The following USH2A variants were observed in gnomAD, a reference collection of about 807,000 sequenced individuals.
USH2A encodes usherin.
USH2A carries 443 observed loss-of-function variants against 538.9 expected under a neutral mutation model. The ratio of observed to expected loss-of-function variants is 0.82; its 90% confidence interval spans 0.76 to 0.89. The LOEUF is 0.89. Ranked by LOEUF, USH2A falls within the 40% of genes least tolerant of loss-of-function variation. USH2A has a pLI of 0.00. For synonymous variants in USH2A, 2,413 were observed against 2,273.5 expected (o/e 1.06, Z -1.75); for missense variants, 6,633 against 6,324.8 (o/e 1.05, Z -1.65).
intron 32 of USH2A, among the ~76,000 whole-genome samples, chr1:216,014,076 G>A (rs1318630126): frequency 5.1e-5 from 5 of 98,024 alleles, no homozygotes; most frequent in Admixed American, 2.4e-4. Flanking sequence ...GAATAATAAA[G>A]CATGAAAAAA....
intron 27 of USH2A, 104 bp from the exon 28 acceptor site, chr1:216,073,404 A>G (rs953837501): frequency 1.7e-5 from 21 of 1,228,846 alleles, no homozygotes; most frequent in Non-Finnish European, 2.1e-5. Context: ...GGGGGTGGTT[A>G]GATACAATTG....
At chr1:216,134,377 T>G (rs2033437912) in intron 21 of USH2A, among the ~76,000 whole-genome samples, 2 of 151,828 alleles carry the variant, frequency 1.3e-5, no homozygotes, top group South Asian at 4.2e-4. Flanking sequence ...GAAGACAGAT[T>G]TAGGAAACAA....
At chr1:216,006,733 G>A (rs1454582079) in intron 32 of USH2A, among the ~76,000 whole-genome samples, 1 of 151,282 alleles carries the variant, frequency 6.6e-6, no homozygotes, top group Non-Finnish European at 1.5e-5. Flanking sequence ...CCAAGTAAGG[G>A]TTTACATTGA....
At chr1:216,364,785 A>G (rs533202115) in intron 4 of USH2A, among the ~76,000 whole-genome samples, 168 bp downstream of exon 4, 1 of 151,962 alleles carries the variant, frequency 6.6e-6, no homozygotes, top group South Asian at 2.1e-4. Flanking sequence ...CAAAACTGTG[A>G]AAAAATAAAT....
At chr1:215,677,426 T>C (rs966233499) in intron 62 of USH2A, among the ~76,000 whole-genome samples, 3 of 152,178 alleles carry the variant, frequency 2.0e-5, no homozygotes, top group Admixed American at 1.3e-4. Context: ...ATTGCTCCAT[T>C]TCTCTGCTTT....
intron 67 of USH2A, among the ~76,000 whole-genome samples, chr1:215,646,216 G>C (rs1656847407): frequency 6.6e-6 from 1 of 151,956 alleles, no homozygotes; most frequent in Admixed American, 6.6e-5. Flanking sequence ...CTGTTGCAAG[G>C]GCCTGTGACA....
chr1:215,937,541 T>A (rs1014646157), intron 37 of USH2A, among the ~76,000 whole-genome samples: 3 of 152,062 alleles, frequency 2.0e-5, no homozygotes, highest in African/African-American at 2.4e-5. Flanking sequence ...AATATGACCA[T>A]CCTAACCATT....
At chr1:216,123,272 T>C (rs2033173001) in intron 21 of USH2A, among the ~76,000 whole-genome samples, 1 of 152,194 alleles carries the variant, frequency 6.6e-6, no homozygotes, top group Non-Finnish European at 1.5e-5. Flanking sequence ...CAGAAGGATA[T>C]TTTTAAAAAG....
chr1:215,986,299 T>G (rs1667872052), intron 35 of USH2A, among the ~76,000 whole-genome samples: 1 of 111,506 alleles, frequency 9.0e-6, no homozygotes, highest in African/African-American at 3.2e-5. Context: ...TTTTTTTTCT[T>G]TTTTCTTTTT....
Position 215,675,215 on chromosome 1 carries a change from T to C in USH2A, c.12696A>G (p.Pro4232=), listed in dbSNP as rs113805451. 4.0e-5 allele frequency: 64 copies of C among 1,613,984 alleles called. 2 individuals carry two copies. In the African/African-American group the frequency reaches 4.0e-4, roughly 10 times the overall value. ...TFMYNDTGLQ[P]WTQCEYKIYT... is the part of the protein sequence containing the mutation. Reference sequence around the variant, plus strand: ...AGATTTTATATTCACACTGCGTCCATGGTTGCAAACCTGTGTCATTATACA... The same window carrying C: ...AGATTTTATATTCACACTGCGTCCACGGTTGCAAACCTGTGTCATTATACA... Residue 4232 remains proline, a synonymous_variant, in exon 63 of 72, where the codon CCA becomes CCG. Transcript: ENST00000307340.
At position 215,779,855 on chromosome 1, in the gene USH2A, G is replaced by T; in HGVS notation, c.10927C>A (p.His3643Asn). The T allele has an allele frequency of 6.2e-7, 1 of 1,613,936 alleles. No individual in the cohort carries two copies. The highest frequency in any genetic ancestry group is 1.1e-5 in the South Asian group (1 of 91,074). ...IHTDTTDRRQHTVTGLQPYTN... is the reference protein window; with the variant it reads ...IHTDTTDRRQNTVTGLQPYTN... ...TTTGTTTTCTCACCTGTGACCGTAT[G>T]CTGTCTCCTGTCAGTGGTGTCAGTG... Residue 3643 changes from histidine to asparagine, a missense_variant, in exon 55 of 72, where the codon CAT becomes AAT. His to Asn is a moderately conservative substitution (Grantham distance 68, BLOSUM62 1). Transcript: ENST00000307340.
rs1402406880 is a variant in USH2A at position 215,779,792 on chromosome 1, C to A, written c.10939+51G>T. 3.7e-6 allele frequency: 6 copies of A among 1,604,444 alleles called. No individual in the cohort carries two copies. The South Asian group carries it at 5.5e-5, about 15-fold the overall frequency. On this transcript the variant is annotated intron_variant, in intron 55 of 71. Transcript: ENST00000307340. ...CCCCTGGGATGCTTTGCCCCCCTAACCACAATGACAGACTCCTCCAGTAGG... is the reference window on the plus strand; with the variant it reads ...CCCCTGGGATGCTTTGCCCCCCTAAACACAATGACAGACTCCTCCAGTAGG...
At chr1:215,767,989 T>G (rs1191720346) in intron 55 of USH2A, among the ~76,000 whole-genome samples, 2 of 152,184 alleles carry the variant, frequency 1.3e-5, no homozygotes, top group African/African-American at 4.8e-5. Flanking sequence ...AATCCAATGA[T>G]TGTTATGCTT....
chr1:216,088,366 C>T (rs2032199150), intron 23 of USH2A, among the ~76,000 whole-genome samples: 1 of 152,082 alleles, frequency 6.6e-6, no homozygotes, highest in Admixed American at 6.6e-5. Flanking sequence ...CCATTCCTCC[C>T]ATAAAATGTA....
At chr1:216,384,860 A>G (rs762482340) in intron 3 of USH2A, among the ~76,000 whole-genome samples, 1 of 152,210 alleles carries the variant, frequency 6.6e-6, no homozygotes, top group Non-Finnish European at 1.5e-5. Flanking sequence ...AACTGAACCT[A>G]GAAGGAACCC....
At chr1:216,332,866 C>T (rs1312679941) in intron 4 of USH2A, among the ~76,000 whole-genome samples, 1 of 152,046 alleles carries the variant, frequency 6.6e-6, no homozygotes, top group Admixed American at 6.6e-5. Flanking sequence ...GGGAAATAAT[C>T]TGATTTCCAG....
chr1:216,189,255 T>C (rs887027611), intron 20 of USH2A, among the ~76,000 whole-genome samples: 19 of 151,744 alleles, frequency 1.3e-4, no homozygotes, highest in Admixed American at 9.9e-4. Flanking sequence ...AGCTAAGCAA[T>C]TTTTTCCAGA....
intron 14 of USH2A, among the ~76,000 whole-genome samples, chr1:216,217,835 T>A (rs1226051859): frequency 1.3e-5 from 2 of 152,100 alleles, no homozygotes; most frequent in East Asian, 3.9e-4. Flanking sequence ...CATCCCACAA[T>A]ATATCTTATG....
intron 64 of USH2A, among the ~76,000 whole-genome samples, chr1:215,663,668 G>A (rs1409079117): frequency 6.6e-6 from 1 of 152,130 alleles, no homozygotes; most frequent in Non-Finnish European, 1.5e-5. Flanking sequence ...GGCAGGTAGT[G>A]CAAAAGGATC....
Sources: allele counts gnomAD v4.1 joint callset (sites outside exome capture counted in the v4.1 genomes callset), GRCh38; gene constraint gnomAD v4.1.1; transcripts MANE v1.5; gene names NCBI Gene and HGNC (gene_info 2026-07-23, HGNC 2026-07-21).